PREX2: variants seen among roughly 807,000 people sequenced by gnomAD.
The protein encoded by PREX2 is phosphatidylinositol 3,4,5-trisphosphate-dependent Rac exchanger 2 protein.
PREX2 carries 107 observed loss-of-function variants against 203.2 expected under a neutral mutation model. The observed-to-expected ratio is 0.53, with a 90% CI of 0.45 to 0.62. PREX2 has a LOEUF of 0.62. Ranked by LOEUF, PREX2 falls within the 20% of genes least tolerant of loss-of-function variation. The probability of loss-of-function intolerance (pLI) is 0.00; values close to 1 mark genes in which losing one functional copy is unlikely to be tolerated. For missense variants in PREX2, 1,777 were observed against 1,955.9 expected (o/e 0.91, Z 1.72); for synonymous variants, 672 against 663.6 (o/e 1.01, Z -0.19).
At chr8:68,212,474 A>G (rs1812758184) in intron 37 of PREX2, among the ~76,000 whole-genome samples, 1 of 152,246 alleles carries the variant, frequency 6.6e-6, no homozygotes, top group Admixed American at 6.5e-5. Flanking sequence ...AAATAAAGTC[A>G]GAAAGAATTT....
At chr8:67,980,959 T>G (rs770030999) in intron 1 of PREX2, among the ~76,000 whole-genome samples, 2 of 152,236 alleles carry the variant, frequency 1.3e-5, no homozygotes, top group Non-Finnish European at 2.9e-5. Flanking sequence ...GCGCGTGGCT[T>G]TCTTCATCAC....
chr8:68,182,381 GA>G (rs964852521), intron 35 of PREX2, among the ~76,000 whole-genome samples: 17 of 152,062 alleles, frequency 1.1e-4, no homozygotes, highest in African/African-American at 3.9e-4. Flanking sequence ...GTCTCTCACT[GA>G]AGGAGAGATT....
intron 1 of PREX2, among the ~76,000 whole-genome samples, chr8:67,996,120 AT>A (rs1280517872): frequency 6.6e-6 from 1 of 152,052 alleles, no homozygotes; most frequent in East Asian, 1.9e-4. Flanking sequence ...ACTAATGGAC[AT>A]TTCTTTATCT....
chr8:68,157,397 C>T lies in PREX2; in HGVS notation c.4307C>T (p.Ala1436Val), dbSNP rs984838280. ...VEEFQAQINA[A>V]SLEKVKQYNQ... is the part of the protein sequence containing the mutation. ...GAATTTCAAGCTCAGATAAATGCAG[C>T]CTCACTGGAAAAGGTCAAACAGTAC... is the stretch of plus-strand genomic sequence containing the variant. The change falls in exon 35 of 40, where the codon GCC becomes GTC. Residue 1436 changes from alanine to valine, a missense_variant. Ala to Val is a moderately conservative substitution (Grantham distance 64). Coordinates refer to ENST00000288368, the MANE Select transcript of PREX2 (RefSeq NM_024870.4). The T allele has an allele frequency of 1.2e-6, 2 of 1,612,084 alleles. No homozygotes were observed. The highest frequency in any genetic ancestry group is 1.3e-5 in the African/African-American group (1 of 74,822).
At chr8:68,004,256 C>T (rs1301724715) in intron 1 of PREX2, among the ~76,000 whole-genome samples, 1 of 152,172 alleles carries the variant, frequency 6.6e-6, no homozygotes, top group Non-Finnish European at 1.5e-5. Context: ...AAGATTACTC[C>T]CAGCCTCACA....
At chr8:68,061,624 A>AAG (rs1244571521) in intron 11 of PREX2, among the ~76,000 whole-genome samples, 41 of 152,182 alleles carry the variant, frequency 2.7e-4, no homozygotes, top group Admixed American at 2.1e-3. Context: ...ATGAAGAATG[A>AAG]AGAGAGAGAT....
At chr8:68,020,057 A>G (rs1807523128) in intron 3 of PREX2, among the ~76,000 whole-genome samples, 1 of 152,124 alleles carries the variant, frequency 6.6e-6, no homozygotes, top group Non-Finnish European at 1.5e-5. Flanking sequence ...TATTAGTCAG[A>G]ATGTTCCCTT....
chr8:68,173,011 AAACC>A (rs1373551611), intron 35 of PREX2, among the ~76,000 whole-genome samples: 2 of 152,142 alleles, frequency 1.3e-5, no homozygotes, highest in African/African-American at 4.8e-5. Flanking sequence ...CTCTTCTTTA[AAACC>A]TAATAACCTC....
chr8:68,162,453 G>A (rs1811675417), intron 35 of PREX2, among the ~76,000 whole-genome samples: 1 of 151,922 alleles, frequency 6.6e-6, no homozygotes, highest in Non-Finnish European at 1.5e-5. Context: ...TTTATGATTA[G>A]CTATTACTTA....
At chr8:68,034,454 A>T (rs1807975242) in intron 6 of PREX2, among the ~76,000 whole-genome samples, 1 of 152,178 alleles carries the variant, frequency 6.6e-6, no homozygotes, top group South Asian at 2.1e-4. Context: ...ATCAATAAAC[A>T]TTACGTTGTC....
intron 25 of PREX2, among the ~76,000 whole-genome samples, chr8:68,115,021 C>CTTTTTTTTTTTTTTTTTTT (rs5892137): frequency 8.1e-5 from 7 of 86,866 alleles, no homozygotes; most frequent in South Asian, 4.3e-4. Flanking sequence ...TCTTTTCTTT[C>CTTTTTTTTTTTTTTTTTTT]TTTTTTTTTT....
chr8:68,118,369 A>C (rs567495248), intron 26 of PREX2, among the ~76,000 whole-genome samples, 181 bp from the exon 27 acceptor site: 87 of 152,180 alleles, frequency 5.7e-4, no homozygotes, highest in Non-Finnish European at 1.1e-3. Flanking sequence ...AAAAAAAAAA[A>C]AGACAGAAAA....
intron 1 of PREX2, among the ~76,000 whole-genome samples, chr8:67,993,413 T>TC (rs1806667834): frequency 8.9e-6 from 1 of 112,526 alleles, no homozygotes. Context: ...TTTTTTTTTC[T>TC]TTTTTTTTTT....
intron 8 of PREX2, among the ~76,000 whole-genome samples, chr8:68,052,759 A>G (rs1470686573): frequency 6.6e-6 from 1 of 152,188 alleles, no homozygotes; most frequent in Non-Finnish European, 1.5e-5. Context: ...AATGTTTGAG[A>G]AGAAAACACC....
intron 9 of PREX2, 54 bp from the exon 10 acceptor site, chr8:68,055,776 A>G (rs1013186520): frequency 5.3e-6 from 8 of 1,502,866 alleles, no homozygotes; most frequent in Admixed American, 1.8e-5. Flanking sequence ...CCATAACTGA[A>G]TGAATGAATG....
In PREX2 at chr8:67,978,973, G is replaced by A. The variant is rs115677370; in HGVS notation, c.141+26438G>A. Among the ~76,000 whole-genome samples the A allele has an allele frequency of 3.0e-3, 464 of 152,264 alleles. 5 individuals carry two copies. The highest frequency in any genetic ancestry group is 0.011 in the African/African-American group (445 of 41,570). On this transcript the variant is annotated intron_variant, in intron 1 of 39. Coordinates refer to ENST00000288368, the MANE Select transcript of PREX2 (RefSeq NM_024870.4). ...AATCATGCACTTTACACTACAGTAT[G>A]TAAGTATAAAAAATAGGAAATGTCC...
At chr8:68,226,970 A>G (rs1271413570) in intron 39 of PREX2, among the ~76,000 whole-genome samples, 3 of 152,090 alleles carry the variant, frequency 2.0e-5, no homozygotes, top group African/African-American at 7.3e-5. Flanking sequence ...CTAGACCTCA[A>G]TGACTGGTGG....
chr8:68,039,197 T>A (rs974485303), intron 7 of PREX2, among the ~76,000 whole-genome samples: 2 of 152,180 alleles, frequency 1.3e-5, no homozygotes, highest in African/African-American at 2.4e-5. Flanking sequence ...CACTTGCTAT[T>A]CTGGCATGAG....
chr8:68,069,771 A>G, intron 12 of PREX2, 64 bp from the exon 13 acceptor site: 1 of 756,500 alleles, frequency 1.3e-6, no homozygotes, highest in Admixed American at 2.3e-5. Context: ...TGTTACTTCA[A>G]AATTTCATTG....
Sources: allele counts gnomAD v4.1 joint callset (sites outside exome capture counted in the v4.1 genomes callset), GRCh38; gene constraint gnomAD v4.1.1; transcripts MANE v1.5; gene names NCBI Gene and HGNC (gene_info 2026-07-23, HGNC 2026-07-21).